The following GARNL3 variants were observed in gnomAD, a reference collection of about 807,000 sequenced individuals.
GARNL3 encodes the protein GTPase-activating Rap/Ran-GAP domain-like protein 3.
Under a neutral mutation model 125.0 loss-of-function variants are expected in GARNL3, and 63 were observed. The observed-to-expected ratio is 0.50, with a 90% CI of 0.41 to 0.62. The LOEUF (loss-of-function observed/expected upper bound fraction) is 0.62, where lower values mean the gene tolerates loss of function less well. GARNL3 is among the 20% of genes least tolerant of loss of function. GARNL3 has a pLI of 0.00. For synonymous variants in GARNL3, 439 were observed against 457.5 expected, an observed-to-expected ratio of 0.96 and a Z score of 0.52; for missense variants, 994 against 1,244.0, an observed-to-expected ratio of 0.80 and a Z score of 3.02.
In GARNL3 at chr9:127,280,525, C is replaced by T. The variant is rs1286626821; in HGVS notation, c.145-10643C>T. On this transcript the variant is annotated intron_variant, in intron 1 of 27. Transcript: ENST00000373387. The surrounding 1 kb of genome is among the most constrained non-coding windows in gnomAD (Gnocchi z 4.5). ...GCCTTCCAACCTTCCATAATTACCA[C>T]AGATTTGTTCTGTTCCAAGCAACAA... 3.3e-5 allele frequency among the ~76,000 whole-genome samples: 5 copies of T among 152,210 alleles called. No homozygotes were observed. Among genetic ancestry groups the T allele is most frequent in the African/African-American group, 1.2e-4 (5 of 41,446 alleles).
intron 22 of GARNL3, among the ~76,000 whole-genome samples, chr9:127,382,627 T>C (rs1216554975): frequency 1.3e-5 from 2 of 152,052 alleles, no homozygotes; most frequent in African/African-American, 2.4e-5. Flanking sequence ...AAAAATTTTT[T>C]TAATTTAAAT....
intron 1 of GARNL3, among the ~76,000 whole-genome samples, chr9:127,288,895 G>A (rs909844097): frequency 6.6e-6 from 1 of 152,134 alleles, no homozygotes; most frequent in Non-Finnish European, 1.5e-5. Flanking sequence ...TCTATTTTAA[G>A]GGTAACAAGT....
intron 22 of GARNL3, among the ~76,000 whole-genome samples, chr9:127,372,097 T>C (rs1417455078): frequency 1.3e-5 from 2 of 152,222 alleles, no homozygotes; most frequent in Non-Finnish European, 2.9e-5. Flanking sequence ...CATGCCCGGC[T>C]AACCAAAAAC....
At chr9:127,334,606 T>C (rs927087471) in intron 9 of GARNL3, among the ~76,000 whole-genome samples, 7 of 152,200 alleles carry the variant, frequency 4.6e-5, no homozygotes, top group Non-Finnish European at 7.3e-5. Context: ...GTCTCCAATA[T>C]GGTCATAACA....
chr9:127,264,048 A>G, upstream of GARNL3: 1 of 1,143,044 alleles, frequency 8.7e-7, no homozygotes. Context: ...TGTTTTGAAT[A>G]TAGTAAACAT....
At chr9:127,345,684 A>G (rs1470637625) in intron 16 of GARNL3, among the ~76,000 whole-genome samples, 30 of 152,364 alleles carry the variant, frequency 2.0e-4, no homozygotes, top group Non-Finnish European at 3.1e-4. Flanking sequence ...CACCTGCTTC[A>G]ATGGAGCAGA....
chr9:127,377,352 G>C (rs1361325664), intron 22 of GARNL3, among the ~76,000 whole-genome samples: 1 of 152,134 alleles, frequency 6.6e-6, no homozygotes, highest in African/African-American at 2.4e-5. Context: ...TTTGGAAAAA[G>C]TAAATGTATG....
At chr9:127,360,167 G>T in intron 21 of GARNL3, among the ~76,000 whole-genome samples, 1 of 151,962 alleles carries the variant, frequency 6.6e-6, no homozygotes, top group Non-Finnish European at 1.5e-5. Flanking sequence ...GGGATTACAG[G>T]CACAGCCACC....
intron 22 of GARNL3, among the ~76,000 whole-genome samples, chr9:127,381,256 A>G (rs1489744880): frequency 6.6e-6 from 1 of 152,254 alleles, no homozygotes; most frequent in Non-Finnish European, 1.5e-5. Context: ...TAATTAAAAA[A>G]TAAAATTGGT....
At chr9:127,345,509 G>A in intron 16 of GARNL3, 32 bp downstream of exon 16, 1 of 1,317,492 alleles carries the variant, frequency 7.6e-7, no homozygotes, top group Non-Finnish European at 1.1e-6. Context: ...TTTGAACTTT[G>A]AATTCCCCTT....
chr9:127,323,220 A>G (rs1321297487), intron 6 of GARNL3, among the ~76,000 whole-genome samples: 1 of 152,234 alleles, frequency 6.6e-6, no homozygotes, highest in Non-Finnish European at 1.5e-5. Context: ...ATTACACACT[A>G]GAAAGCAGCA....
At chr9:127,286,461 C>T (rs1334815082) in intron 1 of GARNL3, among the ~76,000 whole-genome samples, 1 of 152,224 alleles carries the variant, frequency 6.6e-6, no homozygotes, top group Non-Finnish European at 1.5e-5. Flanking sequence ...ACTTTCGTAA[C>T]ACCCCAGTCC....
intron 17 of GARNL3, among the ~76,000 whole-genome samples, chr9:127,351,193 G>A (rs764393647): frequency 3.9e-5 from 6 of 152,156 alleles, no homozygotes; most frequent in Non-Finnish European, 7.4e-5. Flanking sequence ...AAAACCAAAA[G>A]ATTCTATTTG....
At chr9:127,334,792 A>G (rs1829458705) in intron 9 of GARNL3, among the ~76,000 whole-genome samples, 2 of 152,238 alleles carry the variant, frequency 1.3e-5, no homozygotes, top group Admixed American at 6.5e-5. Flanking sequence ...CACATAGCCA[A>G]TGACAAATTG....
intron 1 of GARNL3, chr9:127,225,255 C>A: frequency 1.5e-6 from 1 of 649,718 alleles, no homozygotes; most frequent in Non-Finnish European, 1.9e-6. Flanking sequence ...GCCGAGCGGC[C>A]GGCCGAGGCC....
At chr9:127,347,927 G>A (rs938788487) in intron 16 of GARNL3, among the ~76,000 whole-genome samples, 2 of 152,208 alleles carry the variant, frequency 1.3e-5, no homozygotes, top group Non-Finnish European at 2.9e-5. Flanking sequence ...TAAGAGAGCA[G>A]TAACACACAG....
At chr9:127,297,868 C>G (rs1005814725) in intron 2 of GARNL3, among the ~76,000 whole-genome samples, 2 of 152,192 alleles carry the variant, frequency 1.3e-5, no homozygotes, top group Non-Finnish European at 2.9e-5. Context: ...AAACACAAGT[C>G]TTCTTTTCAA....
intron 2 of GARNL3, among the ~76,000 whole-genome samples, chr9:127,302,771 T>G (rs2064838730): frequency 6.6e-6 from 1 of 152,200 alleles, no homozygotes; most frequent in South Asian, 2.1e-4. Flanking sequence ...CAAGCTTATA[T>G]TCATTCAACT....
intron 22 of GARNL3, among the ~76,000 whole-genome samples, chr9:127,377,792 CAAAAAA>C (rs56965235): frequency 1.5e-5 from 1 of 67,486 alleles, no homozygotes; most frequent in African/African-American, 5.3e-5. Flanking sequence ...GACTCCGTCT[CAAAAAA>C]AAAAAAAAAA....
Sources: gnomAD v4.1 joint callset for allele counts (sites outside exome capture counted in the v4.1 genomes callset) on GRCh38, gnomAD v4.1.1 for gene constraint, Gnocchi (gnomAD v3.1) non-coding constraint, MANE v1.5 for transcripts, NCBI Gene and HGNC (gene_info 2026-07-23, HGNC 2026-07-21) for gene names.